The following RRP1B variants were observed in gnomAD, a reference collection of about 807,000 sequenced individuals.
The protein encoded by RRP1B is ribosomal RNA processing protein 1 homolog B.
Under a neutral mutation model 80.2 loss-of-function variants are expected in RRP1B, and 56 were observed. The observed-to-expected ratio is 0.70, with a 90% CI of 0.56 to 0.87. RRP1B has a LOEUF of 0.87. Among genes scored for constraint, RRP1B ranks in the 40% least tolerant of loss-of-function variants. The pLI, the probability that RRP1B is intolerant of heterozygous loss-of-function variation, is 0.00. For synonymous variants in RRP1B, 351 were observed against 357.6 expected, an observed-to-expected ratio of 0.98 and a Z score of 0.21; for missense variants, 807 against 939.8, an observed-to-expected ratio of 0.86 and a Z score of 1.85.
intron 2 of RRP1B, among the ~76,000 whole-genome samples, chr21:43,671,843 G>A (rs1334314732): frequency 1.3e-5 from 2 of 151,986 alleles, no homozygotes; most frequent in South Asian, 2.1e-4. Flanking sequence ...ACGCCACCAC[G>A]CCTGACTAAT....
rs188027941 is a variant in RRP1B, at chr21:43,670,372, G to A, written c.213+406G>A. 1.3e-4 allele frequency among the ~76,000 whole-genome samples: 20 copies of A among 152,362 alleles called. No homozygotes were observed. In the East Asian group the frequency reaches 2.9e-3, roughly 22 times the overall value. ...GTCACTGGGCTTCGGGTTCCATGGA[G>A]AGCAGCAGTAGCGCTCAGCGAAAGC... On this transcript the variant is annotated intron_variant, in intron 2 of 15. Coordinates refer to ENST00000340648, the MANE Select transcript of RRP1B (RefSeq NM_015056.3).
intron 13 of RRP1B, among the ~76,000 whole-genome samples, chr21:43,689,234 C>T (rs951020498): frequency 1.3e-5 from 2 of 152,248 alleles, no homozygotes; most frequent in African/African-American, 4.8e-5. Context: ...CAGAGACCTG[C>T]GGTCTGTAAA....
intron 13 of RRP1B, among the ~76,000 whole-genome samples, chr21:43,689,090 C>T (rs1387096140): frequency 9.2e-5 from 14 of 152,262 alleles, no homozygotes; most frequent in Admixed American, 9.2e-4. Flanking sequence ...CCGCTTTTCA[C>T]ACCACCTCTG....
intron 13 of RRP1B, among the ~76,000 whole-genome samples, chr21:43,689,540 C>T (rs986968795): frequency 6.6e-6 from 1 of 152,220 alleles, no homozygotes; most frequent in Non-Finnish European, 1.5e-5. Flanking sequence ...CAGCCTGCCC[C>T]TCGTACCCTC....
At position 43,687,965 on chromosome 21, in the gene RRP1B, C is replaced by A. The variant is rs1262330623; in HGVS notation, c.1591C>A (p.Pro531Thr). The stretch of plus-strand genomic sequence containing the variant: ...AAGGAAGCGGAAACTTGGAGTTGTG[C>A]CCGTCAATGGCAGTGGCCTGTCCAC... ...LKRKRKLGVVPVNGSGLSTPA... is the reference protein window; with the variant it reads ...LKRKRKLGVVTVNGSGLSTPA... Residue 531 changes from proline (P) to threonine (T), a missense_variant, in exon 13 of 16, where the codon CCC (proline) becomes ACC (threonine). Physicochemically the swap from Pro to Thr is conservative, Grantham distance 38. Transcript: ENST00000340648. 4 of 1,613,056 alleles carry A rather than the reference C, an allele frequency of 2.5e-6. No individual in the cohort carries two copies. In the African/African-American group the frequency reaches 5.3e-5, roughly 22 times the overall value.
Position 43,688,022 on chromosome 21 carries a change from C to T in RRP1B, c.1648C>T (p.Pro550Ser), listed in dbSNP as rs1180227091. Reference protein sequence around the residue: ...PAWPPLQQEGPPTGPAEGANS... With the variant: ...PAWPPLQQEGSPTGPAEGANS... ...CTGGCCTCCATTGCAGCAGGAAGGC[C>T]CTCCCACAGGCCCCGCAGAGGGGGC... The change falls in exon 13 of 16, where the codon CCT becomes TCT. Residue 550 changes from proline (P) to serine (S), a missense_variant. Physicochemically the swap from Pro to Ser is moderately conservative, Grantham distance 74. Transcript: ENST00000340648. 1.2e-6 allele frequency: 2 copies of T among 1,612,240 alleles called. No individual in the cohort carries two copies. Among genetic ancestry groups the T allele is most frequent in the South Asian group, 1.1e-5 (1 of 91,078 alleles).
chr21:43,659,888 A>C lies in RRP1B; in HGVS notation c.130+94A>C, dbSNP rs2082942226. The C allele has an allele frequency of 7.7e-7, 1 of 1,300,152 alleles. No individual in the cohort carries two copies. The highest frequency in any genetic ancestry group is 1.6e-5 in the African/African-American group (1 of 63,822). 80.5% of individuals were successfully genotyped at this position (1,300,152 alleles called of 1,614,324 possible). ...GGCCCCGGCACGGAATGCGGCTTCCACGTGTTGTCGTGACACCCAGCGTGT... is the reference window on the plus strand; with the variant it reads ...GGCCCCGGCACGGAATGCGGCTTCCCCGTGTTGTCGTGACACCCAGCGTGT... On this transcript the variant is annotated intron_variant, in intron 1 of 15. Coordinates refer to ENST00000340648, the MANE Select transcript of RRP1B (RefSeq NM_015056.3). This position sits in a 1 kb window ranked among gnomAD's most constrained non-coding sequence, Gnocchi z 4.2.
At chr21:43,667,453 C>T (rs946501533) in intron 1 of RRP1B, among the ~76,000 whole-genome samples, 19 of 152,140 alleles carry the variant, frequency 1.2e-4, no homozygotes, top group African/African-American at 1.9e-4. Flanking sequence ...CTTGCTCTGT[C>T]GCCCAAGCTC....
intron 4 of RRP1B, 93 bp downstream of exon 4, chr21:43,674,048 A>C: frequency 1.1e-6 from 1 of 927,550 alleles, no homozygotes; most frequent in Non-Finnish European, 1.6e-6. Flanking sequence ...GTGAAGCAAA[A>C]CAAGCCACAG....
At chr21:43,671,129 G>A (rs183546246) in intron 2 of RRP1B, among the ~76,000 whole-genome samples, 80 of 152,216 alleles carry the variant, frequency 5.3e-4, no homozygotes, top group Non-Finnish European at 8.7e-4. Context: ...CAGAAGAGAG[G>A]GCGTCTCCCC....
chr21:43,676,193 A>T lies in RRP1B; in HGVS notation c.550-79A>T, dbSNP rs1360229299. 8 of 1,037,910 alleles carry T rather than the reference A, an allele frequency of 7.7e-6. No homozygotes were observed. The Admixed American group carries it at 9.6e-5, about 12-fold the overall frequency. The allele number at this position is 1,037,910 out of a possible 1,614,324, so 64.3% of individuals were successfully genotyped here. ...TGGTCTAACTCCACCTTTGTAAAAGATGGGAATGGTCCCTTTTTCAAGGAC... is the reference window on the plus strand; with the variant it reads ...TGGTCTAACTCCACCTTTGTAAAAGTTGGGAATGGTCCCTTTTTCAAGGAC... On this transcript the variant is annotated intron_variant, in intron 6 of 15. Transcript: ENST00000340648.
At chr21:43,689,868 A>G (rs2838349) in intron 13 of RRP1B, among the ~76,000 whole-genome samples, 13,227 of 152,332 alleles carry the variant, frequency 0.087, 1,837 homozygotes, top group African/African-American at 0.29. Flanking sequence ...TGCACACGCA[A>G]TGAGTGTCCT....
At position 43,691,299 on chromosome 21, in the gene RRP1B, G is replaced by T; in HGVS notation, c.2020-140G>T. ...TTTCAGTCTTGGCCGCAGTCCCTTT[G>T]GCCTCTCCCTATATGTGCCACTCAG... On this transcript the variant is annotated intron_variant, in intron 14 of 15. Transcript: ENST00000340648. This position sits in a 1 kb window ranked among gnomAD's most constrained non-coding sequence, Gnocchi z 4.2. 1 of 698,114 alleles carries T rather than the reference G, an allele frequency of 1.4e-6. No individual in the cohort carries two copies. Among genetic ancestry groups the T allele is most frequent in the Non-Finnish European group, 2.4e-6 (1 of 415,210 alleles). 43.2% of individuals were successfully genotyped at this position (698,114 alleles called of 1,614,324 possible). A position where few individuals can be genotyped will look rare whatever the true frequency, so the allele number is the denominator to read the frequency against.
At chr21:43,666,014 T>C (rs753116646) in intron 1 of RRP1B, among the ~76,000 whole-genome samples, 3 of 152,188 alleles carry the variant, frequency 2.0e-5, no homozygotes, top group Non-Finnish European at 4.4e-5. Flanking sequence ...AGGGCACTCC[T>C]TGTCCTTGCT....
chr21:43,689,054 C>T (rs2083075827), intron 13 of RRP1B, among the ~76,000 whole-genome samples: 1 of 152,244 alleles, frequency 6.6e-6, no homozygotes, highest in African/African-American at 2.4e-5. Flanking sequence ...GGATTACAGG[C>T]GAGAGCCCCC....
intron 9 of RRP1B, among the ~76,000 whole-genome samples, chr21:43,684,233 G>C (rs527270634): frequency 8.6e-5 from 13 of 151,708 alleles, no homozygotes; most frequent in Admixed American, 7.9e-4. Flanking sequence ...CATCACGCCC[G>C]GCTAATATTT....
Position 43,675,203 on chromosome 21 carries a change from C to T in RRP1B, c.549+40C>T, listed in dbSNP as rs771230652. On this transcript the variant is annotated intron_variant, in intron 6 of 15. Transcript: ENST00000340648. ...ACAGGCTGCCCACGGGGTGAGGGGG[C>T]CGCCAGTGTTCGCAGTAGTCGCCAG... The T allele has an allele frequency of 3.7e-6, 6 of 1,603,978 alleles. No homozygotes were observed. The South Asian group carries it at 4.4e-5, about 12-fold the overall frequency.
At position 43,676,874 on chromosome 21, in the gene RRP1B, T is replaced by C. The variant is rs144557498; in HGVS notation, c.756T>C (p.Asn252=). The change falls in exon 8 of 16, where the codon AAT becomes AAC. Residue 252 remains asparagine (N), a synonymous_variant. Transcript: ENST00000340648. ...GDLSAEEIPE[N]EVSLRRAVSK... Reference sequence around the variant, plus strand: ...TCTCTGCTGAGGAGATACCTGAAAATGAGGTATCCTTGAGAAGAGCTGTCA... The same window carrying C: ...TCTCTGCTGAGGAGATACCTGAAAACGAGGTATCCTTGAGAAGAGCTGTCA... 2.5e-5 allele frequency: 41 copies of C among 1,614,042 alleles called. No homozygotes were observed. The highest frequency in any genetic ancestry group is 3.2e-5 in the Non-Finnish European group (38 of 1,180,028).
At chr21:43,670,054 T>TA in intron 2 of RRP1B, 88 bp downstream of exon 2, 1 of 873,896 alleles carries the variant, frequency 1.1e-6, no homozygotes, top group Non-Finnish European at 1.8e-6. Context: ...AGTCCCCCGA[T>TA]ACACTGACGC....
Sources: allele counts gnomAD v4.1 joint callset (sites outside exome capture counted in the v4.1 genomes callset), GRCh38; gene constraint gnomAD v4.1.1; non-coding constraint Gnocchi (gnomAD v3.1); transcripts MANE v1.5; gene names NCBI Gene and HGNC (gene_info 2026-07-23, HGNC 2026-07-21).